The following TMEM245 variants were observed in gnomAD, a reference collection of about 807,000 sequenced individuals.
The protein encoded by TMEM245 is protein CG-2.
Under a neutral mutation model 101.2 loss-of-function variants are expected in TMEM245, and 69 were observed. The ratio of observed to expected loss-of-function variants is 0.68; its 90% CI spans 0.56 to 0.83. The LOEUF (loss-of-function observed/expected upper bound fraction) is 0.83, where lower values mean the gene tolerates loss of function less well. TMEM245 is among the 40% of genes least tolerant of loss of function. The probability of loss-of-function intolerance (pLI) is 0.00; values close to 1 mark genes in which losing one functional copy is unlikely to be tolerated. For synonymous variants in TMEM245, 537 were observed against 449.8 expected, an observed-to-expected ratio of 1.19 and a Z score of -2.45; for missense variants, 1,075 against 1,092.8, an observed-to-expected ratio of 0.98 and a Z score of 0.23.
chr9:109,061,644 T>C (rs1219957163), intron 10 of TMEM245, among the ~76,000 whole-genome samples: 1 of 151,724 alleles, frequency 6.6e-6, no homozygotes, highest in African/African-American at 2.4e-5. Flanking sequence ...TCGACTCTCA[T>C]TGCAACCTCT....
chr9:109,066,438 G>C (rs1464110681), intron 9 of TMEM245, among the ~76,000 whole-genome samples: 1 of 75,934 alleles, frequency 1.3e-5, no homozygotes, highest in East Asian at 4.3e-4. Context: ...CTGGGCAAAA[G>C]AGCAAGACTG....
intron 8 of TMEM245, among the ~76,000 whole-genome samples, chr9:109,077,413 G>A (rs1283944567): frequency 3.3e-5 from 5 of 152,124 alleles, no homozygotes; most frequent in African/African-American, 7.2e-5. Context: ...TCATCTTCCC[G>A]AAGTCCTGGG....
rs146650930 is a variant in TMEM245 at position 109,025,314 on chromosome 9, G to A, written c.2595-4809C>T. Among the ~76,000 whole-genome samples, 443 of 152,226 alleles carry A rather than the reference G, an allele frequency of 2.9e-3. 1 individual carries two copies. Among genetic ancestry groups the A allele is most frequent in the Middle Eastern group, 6.8e-3 (2 of 294 alleles). ...CTCGAATTCCTGGACTCAAACGATC[G>A]CCTGCCTTGGCCTACCAAAGTGCTG... On this transcript the variant is annotated intron_variant, in intron 17 of 17. Transcript: ENST00000374586.
chr9:109,097,259 CA>C (rs1313561507), intron 3 of TMEM245, among the ~76,000 whole-genome samples: 2 of 151,886 alleles, frequency 1.3e-5, no homozygotes, highest in East Asian at 3.9e-4. Context: ...TTCAGGAAGA[CA>C]AAAAAACAAA....
In TMEM245 at chr9:109,036,112, T is replaced by C. The variant is rs946842287; in HGVS notation, c.2399+94A>G. ...TGAAAATTCCTACTACCAGTTCTTT[T>C]GTATACCCCCAGGAGAAAAAAATCC... On this transcript the variant is annotated intron_variant, in intron 16 of 17. Transcript: ENST00000374586. The C allele has an allele frequency of 5.9e-5, 63 of 1,061,776 alleles. No homozygotes were observed. The African/African-American group carries it at 1.0e-3, about 17-fold the overall frequency. The allele number at this position is 1,061,776 out of a possible 1,614,324, so 65.8% of individuals were successfully genotyped here. A position where few individuals can be genotyped will look rare whatever the true frequency, so the allele number is the denominator to read the frequency against.
intron 10 of TMEM245, among the ~76,000 whole-genome samples, chr9:109,063,121 AT>A (rs1388653546): frequency 6.6e-6 from 1 of 151,082 alleles, no homozygotes; most frequent in Non-Finnish European, 1.5e-5. Context: ...AGCTCATCTA[AT>A]TTTTTTTTCT....
At chr9:109,080,093 T>C (rs907290549) in intron 8 of TMEM245, among the ~76,000 whole-genome samples, 4 of 152,130 alleles carry the variant, frequency 2.6e-5, no homozygotes, top group African/African-American at 9.7e-5. Flanking sequence ...TTATCAATTA[T>C]AGTTACCAAC....
intron 2 of TMEM245, 83 bp from the exon 3 acceptor site, chr9:109,106,692 A>G: frequency 1.0e-6 from 1 of 985,016 alleles, no homozygotes; most frequent in Non-Finnish European, 1.5e-6. Context: ...GTAGTTTGAC[A>G]GAACAATCTG....
At chr9:109,080,779 C>A in intron 8 of TMEM245, 60 bp downstream of exon 8, 3 of 1,075,962 alleles carry the variant, frequency 2.8e-6, no homozygotes, top group South Asian at 1.5e-5. Flanking sequence ...GCTTTTAATC[C>A]AGACTACAAT....
chr9:109,088,753 T>C (rs921197317), intron 5 of TMEM245, among the ~76,000 whole-genome samples: 9 of 147,756 alleles, frequency 6.1e-5, no homozygotes, highest in Admixed American at 5.5e-4. Context: ...GAAGTGAAGC[T>C]TGCAATGAGC....
At chr9:109,049,996 T>C (rs2132387257) in intron 14 of TMEM245, among the ~76,000 whole-genome samples, 3 of 152,328 alleles carry the variant, frequency 2.0e-5, no homozygotes, top group Admixed American at 2.0e-4. Context: ...CTCACTATGT[T>C]GTCCAGGCTG....
At chr9:109,035,357 T>A (rs577654093) in intron 16 of TMEM245, among the ~76,000 whole-genome samples, 1 of 152,110 alleles carries the variant, frequency 6.6e-6, no homozygotes, top group Admixed American at 6.5e-5. Flanking sequence ...CAAGTTTTAA[T>A]GTGACTGAGA....
intron 17 of TMEM245, among the ~76,000 whole-genome samples, chr9:109,026,405 T>C (rs1588015298): frequency 6.6e-6 from 1 of 151,950 alleles, no homozygotes; most frequent in Non-Finnish European, 1.5e-5. Context: ...TGAACTGAGA[T>C]CTGAATAGTT....
rs1460984351 is a variant in TMEM245 at position 109,020,433 on chromosome 9, A to G, written c.*27T>C. 6.2e-7 allele frequency: 1 copy of G among 1,612,190 alleles called. No individual in the cohort carries two copies. Among genetic ancestry groups the G allele is most frequent in the East Asian group, 2.2e-5 (1 of 44,854 alleles). On this transcript the variant is annotated 3_prime_UTR_variant, in exon 18 of 18. Transcript: ENST00000374586. ...ACTCGCTGTCAAATTTGAACTTCCTAGAAAAATCACTGCAGAGGAAACCAC... is the reference window on the plus strand; with the variant it reads ...ACTCGCTGTCAAATTTGAACTTCCTGGAAAAATCACTGCAGAGGAAACCAC...
At chr9:109,039,934 T>C (rs759955404) in intron 14 of TMEM245, among the ~76,000 whole-genome samples, 10 of 152,088 alleles carry the variant, frequency 6.6e-5, no homozygotes, top group Non-Finnish European at 1.2e-4. Context: ...TTTAACCTTA[T>C]GTTATTTAAA....
intron 8 of TMEM245, among the ~76,000 whole-genome samples, chr9:109,076,700 TTTTG>T (rs1456853934): frequency 1.6e-4 from 25 of 152,332 alleles, no homozygotes; most frequent in African/African-American, 6.0e-4. Context: ...GAAATGCTTT[TTTTG>T]TTTGAGACAG....
intron 17 of TMEM245, among the ~76,000 whole-genome samples, chr9:109,025,395 C>T (rs12005034): frequency 7.9e-5 from 12 of 152,134 alleles, no homozygotes; most frequent in Admixed American, 1.3e-4. Context: ...ATTGTACTTT[C>T]GGTATTTAAT....
At chr9:109,049,496 G>A (rs1055674033) in intron 14 of TMEM245, among the ~76,000 whole-genome samples, 2 of 151,492 alleles carry the variant, frequency 1.3e-5, no homozygotes, top group African/African-American at 4.9e-5. Context: ...TTACAGGTGT[G>A]AGCCACCGCG....
chr9:109,097,389 G>A lies in TMEM245; in HGVS notation c.800-3798C>T, dbSNP rs141598815. Among the ~76,000 whole-genome samples, 653 of 152,314 alleles carry A rather than the reference G, an allele frequency of 4.3e-3. 5 individuals are homozygous for A. Among genetic ancestry groups the A allele is most frequent in the African/African-American group, 0.015 (623 of 41,566 alleles). ...GCAGAGTGGCGTAAGAATGCAGAGGGAGGTTGGGACCAGGGCATAGAAGGT... is the reference window on the plus strand; with the variant it reads ...GCAGAGTGGCGTAAGAATGCAGAGGAAGGTTGGGACCAGGGCATAGAAGGT... On this transcript the variant is annotated intron_variant, in intron 3 of 17. Transcript: ENST00000374586.
Sources: gnomAD v4.1 joint callset for allele counts (sites outside exome capture counted in the v4.1 genomes callset) on GRCh38, gnomAD v4.1.1 for gene constraint, MANE v1.5 for transcripts, NCBI Gene and HGNC (gene_info 2026-07-23, HGNC 2026-07-21) for gene names.